Variants in KIAA1671 observed in about 807,000 individuals in gnomAD.
KIAA1671 encodes KIAA1671, also known as uncharacterized protein KIAA1671.
A neutral mutation model predicts 131.2 loss-of-function variants in KIAA1671; 52 were observed. The ratio of observed to expected loss-of-function variants is 0.40; its 90% CI spans 0.32 to 0.50. The LOEUF (loss-of-function observed/expected upper bound fraction) is 0.50, where lower values mean the gene tolerates loss of function less well. Ranked by LOEUF, KIAA1671 falls within the 20% of genes least tolerant of loss-of-function variation. The pLI, the probability that KIAA1671 is intolerant of heterozygous loss-of-function variation, is 0.73. For synonymous variants in KIAA1671, 1,003 were observed against 961.6 expected, an observed-to-expected ratio of 1.04 and a Z score of -0.80; for missense variants, 2,360 against 2,364.2, an observed-to-expected ratio of 1.00 and a Z score of 0.04.
At chr22:25,191,668 C>T (rs1169982266) in intron 12 of KIAA1671, among the ~76,000 whole-genome samples, 1 of 152,174 alleles carries the variant, frequency 6.6e-6, no homozygotes, top group Non-Finnish European at 1.5e-5. Flanking sequence ...ACTGAGAATG[C>T]ACCTGTGGTG....
chr22:25,179,414 C>T, intron 9 of KIAA1671: 1 of 1,612,716 alleles, frequency 6.2e-7, no homozygotes, highest in Admixed American at 1.7e-5. Context: ...CCTCGCGGAT[C>T]TCCTTGCTGA....
chr22:25,070,380 C>G, intron 6 of KIAA1671: 1 of 510,116 alleles, frequency 2.0e-6, no homozygotes. Context: ...AGTATTACTA[C>G]TGCCCCAGCC....
intron 3 of KIAA1671, among the ~76,000 whole-genome samples, chr22:25,029,927 CAG>C (rs1195215091): frequency 1.3e-5 from 2 of 152,196 alleles, no homozygotes; most frequent in Admixed American, 6.5e-5. Context: ...TCCCTGAAGT[CAG>C]AGAGAGAACG....
rs1933490406 is a variant in KIAA1671 at position 25,162,768 on chromosome 22, C to T, written c.4531-8052C>T. Among the ~76,000 whole-genome samples, 3 of 152,348 alleles carry T rather than the reference C, an allele frequency of 2.0e-5. No individual in the cohort carries two copies. The South Asian group carries it at 6.2e-4, about 32-fold the overall frequency. ...AAAGTTTTATTGGGACACAGCCATG[C>T]ACACTCATTTAGCTATGAGTCTTGT... On this transcript the variant is annotated intron_variant, in intron 6 of 12. Coordinates refer to ENST00000358431, the MANE Select transcript of KIAA1671 (RefSeq NM_001145206.2).
At chr22:25,116,719 C>T (rs531705393) in intron 6 of KIAA1671, among the ~76,000 whole-genome samples, 30 of 152,260 alleles carry the variant, frequency 2.0e-4, no homozygotes, top group Admixed American at 1.5e-3. Flanking sequence ...CCACACCTGG[C>T]CCCCTCAGTC....
At chr22:25,093,364 T>C (rs375584158) in intron 6 of KIAA1671, among the ~76,000 whole-genome samples, 167 of 152,238 alleles carry the variant, frequency 1.1e-3, no homozygotes, top group African/African-American at 3.6e-3. Flanking sequence ...GTTAGTGGAA[T>C]GCCATAAAAT....
At chr22:25,087,309 G>C (rs1046973065) in intron 6 of KIAA1671, among the ~76,000 whole-genome samples, 1 of 152,178 alleles carries the variant, frequency 6.6e-6, no homozygotes, top group Non-Finnish European at 1.5e-5. Context: ...TTCCTGCTGG[G>C]CACAGTGGCT....
At chr22:25,024,769 G>GCTAGC (rs1673646108) in intron 1 of KIAA1671, 1 of 152,184 alleles carries the variant, frequency 6.6e-6, no homozygotes, top group South Asian at 2.1e-4. Context: ...AGGCTGCTGT[G>GCTAGC]CTAGCCACTA....
chr22:25,171,482 C>T (rs942319959), intron 7 of KIAA1671, among the ~76,000 whole-genome samples: 1 of 152,068 alleles, frequency 6.6e-6, no homozygotes, highest in Non-Finnish European at 1.5e-5. Flanking sequence ...GAAGCCCAGG[C>T]GGGCAGATCA....
Position 25,039,752 on chromosome 22 carries a change from A to G in KIAA1671, c.2622A>G (p.Gly874=), listed in dbSNP as rs1926809447. ...GGGCCAGAAGCAAGCCAGGAGTGGG[A>G]GCAAGGGGCCCACCCCAGGGATGCC... ...PEGARSKPGV[G]ARGPPQGCPL... Residue 874 remains glycine (G), a synonymous_variant, in exon 5 of 13, where the codon GGA becomes GGG. Coordinates refer to ENST00000358431, the MANE Select transcript of KIAA1671 (RefSeq NM_001145206.2). 4.7e-6 allele frequency: 7 copies of G among 1,496,874 alleles called. No homozygotes were observed. The Admixed American group carries it at 1.5e-4, about 33-fold the overall frequency. The allele number at this position is 1,496,874 out of a possible 1,614,324, so 92.7% of individuals were successfully genotyped here. A position where few individuals can be genotyped will look rare whatever the true frequency, so the allele number is the denominator to read the frequency against.
At chr22:25,130,179 A>G (rs147999600) in intron 6 of KIAA1671, among the ~76,000 whole-genome samples, 7 of 152,362 alleles carry the variant, frequency 4.6e-5, no homozygotes, top group Non-Finnish European at 5.9e-5. Context: ...TTATACATAA[A>G]TATTTTGGAG....
chr22:25,085,301 C>A (rs2145870041), intron 6 of KIAA1671, among the ~76,000 whole-genome samples: 1 of 152,322 alleles, frequency 6.6e-6, no homozygotes, highest in Non-Finnish European at 1.5e-5. Flanking sequence ...CAAGGGGAAC[C>A]AACACTGCTG....
At chr22:25,025,162 G>GTAGCACATCACTTGGT (rs1925872161) in intron 1 of KIAA1671, among the ~76,000 whole-genome samples, 1 of 146,426 alleles carries the variant, frequency 6.8e-6, no homozygotes, top group Non-Finnish European at 1.5e-5. Flanking sequence ...GCTACCAAGT[G>GTAGCACATCACTTGGT]AGTCAGCACC....
At chr22:25,048,981 T>C in intron 5 of KIAA1671, 1 of 464,808 alleles carries the variant, frequency 2.2e-6, no homozygotes, top group Non-Finnish European at 3.9e-6. Flanking sequence ...CTTTCCCAGA[T>C]AGTTGAGGCT....
intron 6 of KIAA1671, among the ~76,000 whole-genome samples, chr22:25,154,039 CAG>C (rs1160008084): frequency 6.6e-6 from 1 of 152,242 alleles, no homozygotes; most frequent in African/African-American, 2.4e-5. Context: ...AGAGAGGTAT[CAG>C]GGAGGAGGAC....
chr22:25,102,234 G>A (rs754276185), intron 6 of KIAA1671, among the ~76,000 whole-genome samples: 7 of 152,192 alleles, frequency 4.6e-5, no homozygotes, highest in Non-Finnish European at 8.8e-5. Flanking sequence ...AGATATCAGA[G>A]AGGGCGCCTG....
chr22:24,991,816 T>C (rs976801348), intron 1 of KIAA1671, among the ~76,000 whole-genome samples: 2 of 152,038 alleles, frequency 1.3e-5, no homozygotes, highest in African/African-American at 4.8e-5. Context: ...CACTGAGTAA[T>C]TGCGAGGGAT....
chr22:25,171,383 G>A (rs1472169345), intron 7 of KIAA1671, among the ~76,000 whole-genome samples: 1 of 151,532 alleles, frequency 6.6e-6, no homozygotes, highest in East Asian at 1.9e-4. Flanking sequence ...CAGCCTGGGG[G>A]ACAGAGCAAG....
chr22:25,174,634 G>C (rs752346761), intron 8 of KIAA1671, 145 bp downstream of exon 8: 55 of 924,154 alleles, frequency 6.0e-5, no homozygotes, highest in Non-Finnish European at 8.5e-5. Context: ...ACTCACTTAT[G>C]CATGTATCTT....
Sources: gnomAD v4.1 joint callset for allele counts (sites outside exome capture counted in the v4.1 genomes callset) on GRCh38, gnomAD v4.1.1 for gene constraint, MANE v1.5 for transcripts, NCBI Gene and HGNC (gene_info 2026-07-23, HGNC 2026-07-21) for gene names.